PKD2L1: variants seen among roughly 807,000 people sequenced by gnomAD.
PKD2L1 encodes the protein polycystin 2 like 1, transient receptor potential cation channel, also known as polycystin-2-like protein 1.
Under a neutral mutation model 93.0 loss-of-function variants are expected in PKD2L1, and 77 were observed. The observed-to-expected ratio is 0.83, with a 90% CI of 0.69 to 1.00. PKD2L1 has a LOEUF of 1.00. Among genes scored for constraint, PKD2L1 ranks in the 50% least tolerant of loss-of-function variants. The pLI, the probability that PKD2L1 is intolerant of heterozygous loss-of-function variation, is 0.00. For synonymous variants in PKD2L1, 390 were observed against 388.0 expected, an observed-to-expected ratio of 1.01 and a Z score of -0.06; for missense variants, 977 against 990.9, an observed-to-expected ratio of 0.99 and a Z score of 0.19.
Position 100,330,120 on chromosome 10 carries a change from G to A in PKD2L1, c.-17C>T. Reference sequence around the variant, plus strand: ...AGCATTCATGGGGAATGAGGTGGGGGGGCCCGGTACCCCAGGTGCCCACTC... The same window carrying A: ...AGCATTCATGGGGAATGAGGTGGGGAGGCCCGGTACCCCAGGTGCCCACTC... On this transcript the variant is annotated 5_prime_UTR_variant, in exon 1 of 16. Coordinates refer to ENST00000318222, the MANE Select transcript of PKD2L1 (RefSeq NM_016112.3). 1 of 1,489,988 alleles carries A rather than the reference G, an allele frequency of 6.7e-7. No individual in the cohort carries two copies. 92.3% of individuals were successfully genotyped at this position (1,489,988 alleles called of 1,614,324 possible).
intron 2 of PKD2L1, among the ~76,000 whole-genome samples, chr10:100,304,745 A>C (rs533307678): frequency 6.6e-6 from 1 of 152,162 alleles, no homozygotes; most frequent in Non-Finnish European, 1.5e-5. Context: ...TTAGCCTCCC[A>C]AAGTGTTGGA....
intron 2 of PKD2L1, among the ~76,000 whole-genome samples, chr10:100,301,453 G>GC (rs1408788016): frequency 1.6e-5 from 2 of 122,616 alleles, no homozygotes; most frequent in Non-Finnish European, 3.5e-5. Context: ...CCATTTTAGA[G>GC]GCCCCCCCCC....
rs770405338 is a variant in PKD2L1 at position 100,330,110 on chromosome 10, T to G, written c.-7A>C. The G allele has an allele frequency of 2.6e-6, 4 of 1,542,224 alleles. No homozygotes were observed. Among genetic ancestry groups the G allele is most frequent in the East Asian group, 2.3e-5 (1 of 43,712 alleles). Reference sequence around the variant, plus strand: ...GACTTCCCACAGCATTCATGGGGAATGAGGTGGGGGGGCCCGGTACCCCAG... The same window carrying G: ...GACTTCCCACAGCATTCATGGGGAAGGAGGTGGGGGGGCCCGGTACCCCAG... On this transcript the variant is annotated 5_prime_UTR_variant, in exon 1 of 16. Coordinates refer to ENST00000318222, the MANE Select transcript of PKD2L1 (RefSeq NM_016112.3).
chr10:100,309,686 C>T (rs1017991541), intron 2 of PKD2L1, among the ~76,000 whole-genome samples: 2 of 152,168 alleles, frequency 1.3e-5, no homozygotes, highest in Non-Finnish European at 2.9e-5. Flanking sequence ...GACCTTGTAA[C>T]CCATTTCAGG....
intron 4 of PKD2L1, 71 bp downstream of exon 4, chr10:100,298,491 T>G (rs1848601216): frequency 6.6e-7 from 1 of 1,520,272 alleles, no homozygotes; most frequent in Non-Finnish European, 9.0e-7. Context: ...TGGAAGTGGT[T>G]CCCAGACCTT....
chr10:100,324,118 G>A lies in PKD2L1; in HGVS notation c.349+5093C>T, dbSNP rs556521446. On this transcript the variant is annotated intron_variant, in intron 2 of 15. Coordinates refer to ENST00000318222, the MANE Select transcript of PKD2L1 (RefSeq NM_016112.3). ...GCTGGGATTACAGGCATGAGCCACC[G>A]TGCCCAGCCCACTTTATTTTTTTAG... Among the ~76,000 whole-genome samples the A allele has an allele frequency of 2.0e-3, 301 of 152,312 alleles. 1 individual carries two copies. Among genetic ancestry groups the A allele is most frequent in the Non-Finnish European group, 3.5e-3 (238 of 68,036 alleles).
intron 3 of PKD2L1, 124 bp downstream of exon 3, chr10:100,299,467 C>T: frequency 1.2e-6 from 1 of 852,872 alleles, no homozygotes; most frequent in Non-Finnish European, 1.9e-6. Flanking sequence ...TCAGCCTGGC[C>T]CTTTGACTCA....
intron 2 of PKD2L1, among the ~76,000 whole-genome samples, chr10:100,325,433 G>A (rs147231349): frequency 8.5e-4 from 129 of 152,264 alleles, no homozygotes; most frequent in African/African-American, 2.9e-3. Flanking sequence ...TGTCTGAAAG[G>A]AAGAGGCAGG....
Position 100,293,055 on chromosome 10 carries a change from G to A in PKD2L1, c.1773C>T (p.Thr591=). 6.2e-7 allele frequency: 1 copy of A among 1,613,964 alleles called. No homozygotes were observed. The highest frequency in any genetic ancestry group is 8.5e-7 in the Non-Finnish European group (1 of 1,179,922). Residue 591 remains threonine, a synonymous_variant, in exon 11 of 16, where the codon ACC becomes ACT. Coordinates refer to ENST00000318222, the MANE Select transcript of PKD2L1 (RefSeq NM_016112.3). ...SDLLKQGYNK[T]LLRLRLRKER... ...CCTTCCTCAGACGCAGTCTTAGTAG[G>A]GTCTTGTTGTAGCCCTGAAAGGGAA...
rs1298267621 is a variant in PKD2L1 at position 100,321,892 on chromosome 10, G to A, written c.349+7319C>T. ...GCAGGCAGGCAGGGAGGGAGGGAGGGAGGGAAGGAAGCAAGGAAGGAAGGA... is the reference window on the plus strand; with the variant it reads ...GCAGGCAGGCAGGGAGGGAGGGAGGAAGGGAAGGAAGCAAGGAAGGAAGGA... On this transcript the variant is annotated intron_variant, in intron 2 of 15. Transcript: ENST00000318222. Among the ~76,000 whole-genome samples the A allele has an allele frequency of 3.9e-4, 17 of 43,158 alleles. 2 individuals carry two copies. Among genetic ancestry groups the A allele is most frequent in the Non-Finnish European group, 5.2e-4 (8 of 15,402 alleles). The allele number at this position is 43,158 out of a possible 152,430, so 28.3% of individuals were successfully genotyped here.
chr10:100,290,041 C>T lies in PKD2L1; in HGVS notation c.2224G>A (p.Gly742Arg), dbSNP rs765606834. The T allele has an allele frequency of 5.6e-6, 9 of 1,614,064 alleles. No homozygotes were observed. Among genetic ancestry groups the T allele is most frequent in the African/African-American group, 2.7e-5 (2 of 74,906 alleles). ...ACGCCTGGGGAGGGAGCCAGCCACCCCTTCCTCTCCAGCATTTTCAGCTTT... is the reference window on the plus strand; with the variant it reads ...ACGCCTGGGGAGGGAGCCAGCCACCTCTTCCTCTCCAGCATTTTCAGCTTT... Reference protein sequence around the residue: ...GSKLKMLERKGWLAPSPGVKE... With the variant: ...GSKLKMLERKRWLAPSPGVKE... Residue 742 changes from glycine to arginine, a missense_variant, in exon 14 of 16, where the codon GGG becomes AGG. Coordinates refer to ENST00000318222, the MANE Select transcript of PKD2L1 (RefSeq NM_016112.3).
chr10:100,293,493 C>T (rs545461405), intron 9 of PKD2L1, 114 bp from the exon 10 acceptor site: 2 of 699,874 alleles, frequency 2.9e-6, no homozygotes, highest in Admixed American at 2.1e-5. Flanking sequence ...GTGCTCTCAA[C>T]CCCAGTTCGG....
rs776942660 is a variant in PKD2L1, at chr10:100,297,568, G to A, written c.770C>T (p.Ser257Phe). The A allele has an allele frequency of 1.9e-6, 3 of 1,614,014 alleles. No individual in the cohort carries two copies. Among genetic ancestry groups the A allele is most frequent in the Admixed American group, 1.7e-5 (1 of 60,020 alleles). The change falls in exon 5 of 16, where the codon TCC becomes TTC. Residue 257 changes from serine to phenylalanine, a missense_variant. By Grantham distance (155) the Ser-to-Phe change is radical. Coordinates refer to ENST00000318222, the MANE Select transcript of PKD2L1 (RefSeq NM_016112.3). ...GTAGCTTGTGAGCCTGCCCCAGTGG[G>A]AGAAGCCCCCCAACTCATCCTGCGA... The part of the protein sequence containing the change: ...YHSQDELGGF[S>F]HWGRLTSYSG...
rs1321917073 is a variant in PKD2L1, at chr10:100,291,417, C to T, written c.1891G>A (p.Ala631Thr). 4.3e-6 allele frequency: 7 copies of T among 1,613,896 alleles called. No homozygotes were observed. Among genetic ancestry groups the T allele is most frequent in the East Asian group, 4.5e-5 (2 of 44,878 alleles). ...GTGAGCTCAGTGATTTCATGCTCTG[C>T]GTGTCCCAGTCTGAGAAGAGGATGA... ...FTNTLRELGHAEHEITELTAT... is the reference protein window; with the variant it reads ...FTNTLRELGHTEHEITELTAT... Residue 631 changes from alanine (A) to threonine (T), a missense_variant, in exon 12 of 16, where the codon GCA becomes ACA. By Grantham distance (58) the Ala-to-Thr change is moderately conservative. Transcript: ENST00000318222.
intron 2 of PKD2L1, among the ~76,000 whole-genome samples, chr10:100,303,253 G>C (rs1431312380): frequency 1.5e-5 from 2 of 137,388 alleles, no homozygotes; most frequent in African/African-American, 5.5e-5. Context: ...CAGTGCAATG[G>C]CACGATCTCG....
At chr10:100,327,458 A>T (rs1849403903) in intron 2 of PKD2L1, among the ~76,000 whole-genome samples, 1 of 152,192 alleles carries the variant, frequency 6.6e-6, no homozygotes, top group African/African-American at 2.4e-5. Context: ...GGACTCCTGG[A>T]CTTCCAGAAC....
intron 2 of PKD2L1, among the ~76,000 whole-genome samples, chr10:100,308,579 C>T (rs1348550716): frequency 1.3e-5 from 2 of 152,192 alleles, no homozygotes; most frequent in Admixed American, 6.5e-5. Flanking sequence ...AGGTGATCCA[C>T]CCACCTTGGC....
At chr10:100,329,090 T>C in intron 2 of PKD2L1, 121 bp downstream of exon 2, 1 of 836,006 alleles carries the variant, frequency 1.2e-6, no homozygotes, top group Non-Finnish European at 1.9e-6. Flanking sequence ...TTCCCGGATA[T>C]AGCCTGCTTA....
At position 100,329,327 on chromosome 10, in the gene PKD2L1, A is replaced by C. The variant is rs1849451096; in HGVS notation, c.236-3T>G. 1 of 1,613,964 alleles carries C rather than the reference A, an allele frequency of 6.2e-7. No homozygotes were observed. The highest frequency in any genetic ancestry group is 1.3e-5 in the African/African-American group (1 of 74,882). Reference sequence around the variant, plus strand: ...AGTCAGGGTTGTTCCCCAAAGTCCTAAGGGGCATGGGAGAGATGCCTGGGA... The same window carrying C: ...AGTCAGGGTTGTTCCCCAAAGTCCTCAGGGGCATGGGAGAGATGCCTGGGA... On this transcript the variant is annotated splice_region_variant and splice_polypyrimidine_tract_variant and intron_variant, in intron 1 of 15. Transcript: ENST00000318222.
Sources: gnomAD v4.1 joint callset for allele counts (sites outside exome capture counted in the v4.1 genomes callset) on GRCh38, gnomAD v4.1.1 for gene constraint, MANE v1.5 for transcripts, NCBI Gene and HGNC (gene_info 2026-07-23, HGNC 2026-07-21) for gene names.